Variants in ADAM18 observed in about 807,000 individuals in gnomAD.
ADAM18 encodes the protein ADAM metallopeptidase domain 18.
Under a neutral mutation model 94.4 loss-of-function variants are expected in ADAM18, and 117 were observed. That is an observed-to-expected ratio of 1.24 (90% CI 1.07 to 1.45). The LOEUF (loss-of-function observed/expected upper bound fraction) is 1.45, where lower values mean the gene tolerates loss of function less well. Ranked by LOEUF, ADAM18 falls within the 40% of genes most tolerant of loss-of-function variation. The probability of loss-of-function intolerance (pLI) is 0.00; values close to 1 mark genes in which losing one functional copy is unlikely to be tolerated. For synonymous variants in ADAM18, 327 were observed against 291.6 expected (o/e 1.12, Z -1.24); for missense variants, 936 against 880.0 (o/e 1.06, Z -0.81).
chr8:39,647,314 C>T (rs994239912), intron 11 of ADAM18, among the ~76,000 whole-genome samples: 1 of 151,900 alleles, frequency 6.6e-6, no homozygotes, highest in Non-Finnish European at 1.5e-5. Flanking sequence ...TGGATGTGCA[C>T]GTAGGCCAGA....
At chr8:39,648,810 A>G (rs889006279) in intron 12 of ADAM18, among the ~76,000 whole-genome samples, 18 of 152,080 alleles carry the variant, frequency 1.2e-4, no homozygotes, top group Admixed American at 4.6e-4. Context: ...TATTATACAC[A>G]TCTCAGTTCC....
intron 10 of ADAM18, among the ~76,000 whole-genome samples, chr8:39,639,435 G>C (rs1820175283): frequency 6.6e-6 from 1 of 151,900 alleles, no homozygotes; most frequent in Non-Finnish European, 1.5e-5. Flanking sequence ...GGAATAGTTT[G>C]TTCATTCTTT....
At chr8:39,621,485 A>G (rs1819612347) in intron 6 of ADAM18, among the ~76,000 whole-genome samples, 1 of 151,786 alleles carries the variant, frequency 6.6e-6, no homozygotes, top group Non-Finnish European at 1.5e-5. Flanking sequence ...TTTTAAGTAT[A>G]AAATATGGAA....
intron 11 of ADAM18, among the ~76,000 whole-genome samples, chr8:39,647,322 A>G (rs1820411807): frequency 6.6e-6 from 1 of 152,096 alleles, no homozygotes; most frequent in Non-Finnish European, 1.5e-5. Flanking sequence ...CACGTAGGCC[A>G]GATTTATGTT....
chr8:39,721,331 T>C (rs1355313395), intron 18 of ADAM18, among the ~76,000 whole-genome samples: 1 of 151,434 alleles, frequency 6.6e-6, no homozygotes, highest in Non-Finnish European at 1.5e-5. Context: ...GAAAACCTTT[T>C]CTGGACATTG....
In ADAM18 at chr8:39,610,668, C is replaced by G; in HGVS notation, c.484C>G (p.Gln162Glu). The G allele has an allele frequency of 6.2e-7, 1 of 1,613,198 alleles. No individual in the cohort carries two copies. Among genetic ancestry groups the G allele is most frequent in the Non-Finnish European group, 8.5e-7 (1 of 1,179,510 alleles). ...ILAVNYSHIW[Q>E]KDQPYKVPLN... ...AGCAGTAAATTACAGTCATATTTGG[C>G]AGAAAGACCAGCCCTACAAAGTTCC... Residue 162 changes from glutamine to glutamate, a missense_variant, in exon 6 of 20, where the codon CAG becomes GAG. Gln to Glu is a conservative substitution (Grantham distance 29, BLOSUM62 2). Transcript: ENST00000265707.
intron 2 of ADAM18, among the ~76,000 whole-genome samples, chr8:39,597,490 C>T (rs184332783): frequency 6.6e-5 from 10 of 152,180 alleles, no homozygotes; most frequent in African/African-American, 9.6e-5. Context: ...TATTTTTTTA[C>T]GTTTGGATAT....
intron 2 of ADAM18, among the ~76,000 whole-genome samples, chr8:39,591,016 A>G (rs566998912): frequency 1.4e-4 from 22 of 152,354 alleles, no homozygotes; most frequent in African/African-American, 5.3e-4. Context: ...TGTTTGGTAT[A>G]CTATATACTA....
chr8:39,709,747 C>G (rs1822344305), intron 18 of ADAM18, among the ~76,000 whole-genome samples: 1 of 152,100 alleles, frequency 6.6e-6, no homozygotes, highest in African/African-American at 2.4e-5. Flanking sequence ...ATGAAAATTA[C>G]TGGAAAGCAG....
chr8:39,595,406 A>T (rs1338681329), intron 2 of ADAM18, among the ~76,000 whole-genome samples: 2 of 152,214 alleles, frequency 1.3e-5, no homozygotes, highest in African/African-American at 2.4e-5. Flanking sequence ...TGTCTTCTCC[A>T]GCAAACCATT....
At chr8:39,669,246 C>A (rs1821081790) in intron 14 of ADAM18, among the ~76,000 whole-genome samples, 2 of 150,778 alleles carry the variant, frequency 1.3e-5, no homozygotes, top group South Asian at 4.2e-4. Flanking sequence ...ATTTACTTGA[C>A]ACATGACATC....
At chr8:39,622,733 G>A (rs1024913634) in intron 6 of ADAM18, among the ~76,000 whole-genome samples, 3 of 151,852 alleles carry the variant, frequency 2.0e-5, no homozygotes, top group East Asian at 1.9e-4. Context: ...TTACAGATAC[G>A]TAACTGAGGT....
chr8:39,643,812 A>G (rs983547087), intron 10 of ADAM18, among the ~76,000 whole-genome samples: 3 of 150,176 alleles, frequency 2.0e-5, no homozygotes, highest in Admixed American at 1.4e-4. Flanking sequence ...AGTGCCATTT[A>G]TGCTGGAAGT....
intron 7 of ADAM18, among the ~76,000 whole-genome samples, chr8:39,634,898 C>T (rs1000403958): frequency 6.6e-6 from 1 of 152,102 alleles, no homozygotes; most frequent in Non-Finnish European, 1.5e-5. Flanking sequence ...GTGAGAATGA[C>T]ATGAATTTTG....
chr8:39,607,180 C>T (rs908689779), intron 3 of ADAM18, among the ~76,000 whole-genome samples: 1 of 152,132 alleles, frequency 6.6e-6, no homozygotes, highest in African/African-American at 2.4e-5. Context: ...TGAATTTGTG[C>T]ACTGTTGCCA....
chr8:39,616,023 A>G (rs1430879061), intron 6 of ADAM18, among the ~76,000 whole-genome samples: 1 of 152,222 alleles, frequency 6.6e-6, no homozygotes, highest in East Asian at 1.9e-4. Context: ...CTATAATGAG[A>G]ATCACAAAAC....
At chr8:39,684,585 T>A (rs1821557462) in intron 16 of ADAM18, among the ~76,000 whole-genome samples, 1 of 152,118 alleles carries the variant, frequency 6.6e-6, no homozygotes, top group East Asian at 1.9e-4. Context: ...TTCACACCAG[T>A]GACTCAATCA....
At chr8:39,616,787 A>G (rs1433313764) in intron 6 of ADAM18, among the ~76,000 whole-genome samples, 3 of 152,182 alleles carry the variant, frequency 2.0e-5, no homozygotes, top group Non-Finnish European at 4.4e-5. Context: ...CTATTCAATA[A>G]ATGTGCTGGG....
At chr8:39,703,407 A>T (rs1027842347) in intron 17 of ADAM18, among the ~76,000 whole-genome samples, 19 of 152,122 alleles carry the variant, frequency 1.2e-4, no homozygotes, top group African/African-American at 4.6e-4. Context: ...ATTTTTAGAT[A>T]TAGGATCATG....
Sources: gnomAD v4.1 joint callset for allele counts (sites outside exome capture counted in the v4.1 genomes callset) on GRCh38, gnomAD v4.1.1 for gene constraint, MANE v1.5 for transcripts, NCBI Gene and HGNC (gene_info 2026-07-23, HGNC 2026-07-21) for gene names.